The following CLRN1 variants were observed in gnomAD, a reference collection of about 807,000 sequenced individuals.
The protein encoded by CLRN1 is clarin 1.
Under a neutral mutation model 18.7 loss-of-function variants are expected in CLRN1, and 15 were observed. The ratio of observed to expected loss-of-function variants is 0.80; its 90% CI spans 0.54 to 1.23. CLRN1 has a LOEUF of 1.23. Ranked by LOEUF, CLRN1 falls within the 50% of genes most tolerant of loss-of-function variation. CLRN1 has a pLI of 0.00. For synonymous variants in CLRN1, 104 were observed against 102.9 expected, an observed-to-expected ratio of 1.01 and a Z score of -0.07; for missense variants, 311 against 277.5, an observed-to-expected ratio of 1.12 and a Z score of -0.86.
chr3:150,959,628 C>CAA (rs202231765), intron 1 of CLRN1, among the ~76,000 whole-genome samples: 46 of 87,626 alleles, frequency 5.2e-4, no homozygotes, highest in Middle Eastern at 5.7e-3. Context: ...GACTTTGTCT[C>CAA]AAAAAAAAAA....
intron 1 of CLRN1, 118 bp from the exon 2 acceptor site, chr3:150,941,879 G>A (rs116560307): frequency 1.1e-6 from 1 of 917,634 alleles, no homozygotes; most frequent in Non-Finnish European, 1.7e-6. Context: ...TCCTTCTGAT[G>A]AATACATTCT....
intron 2 of CLRN1, among the ~76,000 whole-genome samples, chr3:150,933,343 A>C (rs1285169467): frequency 6.6e-6 from 1 of 152,142 alleles, no homozygotes; most frequent in Non-Finnish European, 1.5e-5. Context: ...GATATATATT[A>C]AGGAGAATAA....
At chr3:150,931,578 G>T (rs570435566) in intron 2 of CLRN1, among the ~76,000 whole-genome samples, 11 of 152,182 alleles carry the variant, frequency 7.2e-5, no homozygotes, top group South Asian at 2.1e-4. Flanking sequence ...TCAGAGGGTG[G>T]CTGAGGAATA....
At chr3:150,953,009 T>C (rs1036448866) in intron 1 of CLRN1, among the ~76,000 whole-genome samples, 1 of 152,152 alleles carries the variant, frequency 6.6e-6, no homozygotes, top group South Asian at 2.1e-4. Context: ...GTAACACCCT[T>C]CTGTTTTCTG....
intron 2 of CLRN1, among the ~76,000 whole-genome samples, chr3:150,934,228 A>C (rs7641709): frequency 0.38 from 58,349 of 151,914 alleles, 11,371 homozygotes; most frequent in South Asian, 0.42. Flanking sequence ...TCTTTATTTT[A>C]TTGTCTTTGT....
rs73155703 is a variant in CLRN1, at chr3:150,940,194, T to G, written c.433+1388A>C. Among the ~76,000 whole-genome samples the G allele has an allele frequency of 0.13, 20,532 of 152,312 alleles. 1,833 individuals are homozygous for G. Among genetic ancestry groups the G allele is most frequent in the Non-Finnish European group, 0.2 (13,303 of 68,018 alleles). On this transcript the variant is annotated intron_variant, in intron 2 of 2. Coordinates refer to ENST00000327047, the MANE Select transcript of CLRN1 (RefSeq NM_174878.3). Reference sequence around the variant, plus strand: ...ACTCTTCTGTTATAGGATAATCATCTGTACAATTTAAAACTGTATTATATA... The same window carrying G: ...ACTCTTCTGTTATAGGATAATCATCGGTACAATTTAAAACTGTATTATATA...
At chr3:150,928,769 C>T (rs978386286) in intron 2 of CLRN1, among the ~76,000 whole-genome samples, 6 of 152,208 alleles carry the variant, frequency 3.9e-5, no homozygotes, top group African/African-American at 1.4e-4. Context: ...TGGCGCACAT[C>T]TCTATTCTCC....
chr3:150,939,866 G>A (rs1713710705), intron 2 of CLRN1, among the ~76,000 whole-genome samples: 1 of 152,158 alleles, frequency 6.6e-6, no homozygotes, highest in Admixed American at 6.5e-5. Context: ...CATTCAGTCT[G>A]CCCACACCCT....
intron 1 of CLRN1, among the ~76,000 whole-genome samples, chr3:150,971,343 G>A (rs1715525446): frequency 6.6e-6 from 1 of 152,146 alleles, no homozygotes; most frequent in African/African-American, 2.4e-5. Flanking sequence ...GGAGCCCTAT[G>A]AAAATTCATA....
chr3:150,945,999 G>A (rs1217959907), intron 1 of CLRN1, among the ~76,000 whole-genome samples: 3 of 152,266 alleles, frequency 2.0e-5, no homozygotes, highest in South Asian at 2.1e-4. Context: ...ATAATAAGAG[G>A]TTGGAAATAA....
intron 1 of CLRN1, among the ~76,000 whole-genome samples, chr3:150,943,236 C>A (rs552381092): frequency 6.6e-6 from 1 of 152,192 alleles, no homozygotes; most frequent in South Asian, 2.1e-4. Flanking sequence ...AAGCCTGAAA[C>A]CTGCAGCCCA....
intron 1 of CLRN1, among the ~76,000 whole-genome samples, chr3:150,971,989 GA>G (rs1715558962): frequency 6.6e-6 from 1 of 152,162 alleles, no homozygotes. Flanking sequence ...TTAGCAGCAG[GA>G]AAGGTCTTAG....
At chr3:150,932,443 A>T (rs576707340) in intron 2 of CLRN1, among the ~76,000 whole-genome samples, 3 of 152,334 alleles carry the variant, frequency 2.0e-5, no homozygotes, top group Admixed American at 2.0e-4. Flanking sequence ...GATCAGTAAG[A>T]TCATATTTTT....
chr3:150,941,289 A>T (rs778105359), intron 2 of CLRN1: 111 of 289,480 alleles, frequency 3.8e-4, no homozygotes, highest in Admixed American at 1.1e-3. Flanking sequence ...ATAAGTTTAC[A>T]TACTGCTTTT....
At chr3:150,971,686 T>C (rs1366612930) in intron 1 of CLRN1, among the ~76,000 whole-genome samples, 1 of 152,230 alleles carries the variant, frequency 6.6e-6, no homozygotes, top group African/African-American at 2.4e-5. Context: ...GTAAGAGATA[T>C]AACAAATGAC....
intron 2 of CLRN1, 108 bp from the exon 3 acceptor site, chr3:150,928,309 A>G (rs1454527840): frequency 1.5e-6 from 2 of 1,314,650 alleles, no homozygotes; most frequent in African/African-American, 1.5e-5. Flanking sequence ...ATCCCCATTG[A>G]CATTATCCAC....
intron 1 of CLRN1, among the ~76,000 whole-genome samples, chr3:150,947,644 A>G (rs113175723): frequency 0.017 from 2,519 of 152,310 alleles, 85 homozygotes; most frequent in African/African-American, 0.057. Context: ...AATCAACCAC[A>G]TAATTGGACA....
At chr3:150,941,288 C>T (rs1713825679) in intron 2 of CLRN1, 1 of 280,934 alleles carries the variant, frequency 3.6e-6, no homozygotes, top group Admixed American at 4.9e-5. Flanking sequence ...TATAAGTTTA[C>T]ATACTGCTTT....
chr3:150,929,617 T>A (rs1274145588), intron 2 of CLRN1, among the ~76,000 whole-genome samples: 3 of 152,250 alleles, frequency 2.0e-5, no homozygotes, highest in African/African-American at 7.2e-5. Flanking sequence ...GCTTTGTAAT[T>A]GACACATATA....
Sources: gnomAD v4.1 joint callset for allele counts (sites outside exome capture counted in the v4.1 genomes callset) on GRCh38, gnomAD v4.1.1 for gene constraint, MANE v1.5 for transcripts, NCBI Gene and HGNC (gene_info 2026-07-23, HGNC 2026-07-21) for gene names.